The following CACNA1D variants were observed in gnomAD, a reference collection of about 807,000 sequenced individuals.
CACNA1D encodes voltage-dependent L-type calcium channel subunit alpha-1D.
A neutral mutation model predicts 257.1 loss-of-function variants in CACNA1D; 55 were observed. That is an observed-to-expected ratio of 0.21 (90% CI 0.17 to 0.27). The LOEUF is 0.27. CACNA1D is among the 10% of genes least tolerant of loss of function. The pLI is 1.00. For synonymous variants in CACNA1D, 980 were observed against 1,014.9 expected, an observed-to-expected ratio of 0.97 and a Z score of 0.65; for missense variants, 1,876 against 2,784.0, an observed-to-expected ratio of 0.67 and a Z score of 7.34.
rs141081709 is a variant in CACNA1D, at chr3:53,568,164, G to A, written c.483+66444G>A. Among the ~76,000 whole-genome samples the A allele has an allele frequency of 4.0e-3, 604 of 152,250 alleles. 8 individuals carry two copies. Among genetic ancestry groups the A allele is most frequent in the African/African-American group, 0.014 (572 of 41,544 alleles). On this transcript the variant is annotated intron_variant, in intron 3 of 47. Transcript: ENST00000350061. ...GTAGCATTGCATACTGTCTTGGTAAGACCTCAGACTTGCTTAGCTGCAGCT... is the reference window on the plus strand; with the variant it reads ...GTAGCATTGCATACTGTCTTGGTAAAACCTCAGACTTGCTTAGCTGCAGCT...
rs1428373343 is a variant in CACNA1D at position 53,501,211 on chromosome 3, A to G, written c.378-404A>G. On this transcript the variant is annotated intron_variant, in intron 2 of 47. Coordinates refer to ENST00000350061, the MANE Select transcript of CACNA1D (RefSeq NM_001128840.3). ...ATGGAGGCAAGGATCTGCGGAAGAC[A>G]TTTATCCCATGATGATTTCTCTGTG... Among the ~76,000 whole-genome samples the G allele has an allele frequency of 4.6e-5, 7 of 152,254 alleles. 1 individual carries two copies. Among genetic ancestry groups the G allele is most frequent in the Non-Finnish European group, 1.0e-4 (7 of 68,048 alleles).
intron 8 of CACNA1D, among the ~76,000 whole-genome samples, chr3:53,692,765 TC>T (rs2094539617): frequency 1.3e-5 from 2 of 152,222 alleles, no homozygotes; most frequent in Non-Finnish European, 2.9e-5. Context: ...AATGAAAGCA[TC>T]AACAACCCTG....
intron 14 of CACNA1D, 34 bp downstream of exon 14, chr3:53,724,033 C>A: frequency 1.3e-6 from 2 of 1,546,284 alleles, no homozygotes; most frequent in East Asian, 2.2e-5. Context: ...AAAAGCACTT[C>A]GTGAGCAGCA....
At chr3:53,753,458 G>A (rs896896382) in intron 28 of CACNA1D, 114 bp from the exon 29 acceptor site, 7 of 777,180 alleles carry the variant, frequency 9.0e-6, no homozygotes, top group Non-Finnish European at 1.6e-5. Context: ...CCCAGCGAGG[G>A]TGCTGGGCTG....
intron 22 of CACNA1D, 115 bp downstream of exon 22, chr3:53,743,232 G>A (rs2095134444): frequency 4.2e-6 from 3 of 716,598 alleles, no homozygotes; most frequent in East Asian, 2.5e-5. Context: ...TAGTTATATA[G>A]GTTTATTTAA....
intron 3 of CACNA1D, among the ~76,000 whole-genome samples, chr3:53,602,681 A>G (rs1490344904): frequency 6.6e-6 from 1 of 152,068 alleles, no homozygotes; most frequent in Non-Finnish European, 1.5e-5. Flanking sequence ...CATGGTTTTG[A>G]TTTGCATTTC....
Position 53,800,199 on chromosome 3 carries a change from C to A in CACNA1D, c.4924-50C>A. ...GAGCAAAGCCAGGACCCAGGCTGGC[C>A]CCAGGGCCCATGTGTGGTCTAACCT... On this transcript the variant is annotated intron_variant, in intron 40 of 47. Coordinates refer to ENST00000350061, the MANE Select transcript of CACNA1D (RefSeq NM_001128840.3). The surrounding 1 kb of genome is among the most constrained non-coding windows in gnomAD (Gnocchi z 4.3). 1 of 1,328,738 alleles carries A rather than the reference C, an allele frequency of 7.5e-7. No homozygotes were observed. Among genetic ancestry groups the A allele is most frequent in the Non-Finnish European group, 1.1e-6 (1 of 919,324 alleles). The allele number at this position is 1,328,738 out of a possible 1,614,324, so 82.3% of individuals were successfully genotyped here. A position where few individuals can be genotyped will look rare whatever the true frequency, so the allele number is the denominator to read the frequency against.
intron 3 of CACNA1D, among the ~76,000 whole-genome samples, chr3:53,515,406 C>T (rs1207756934): frequency 6.6e-6 from 1 of 152,226 alleles, no homozygotes; most frequent in East Asian, 1.9e-4. Flanking sequence ...CAATCACTAA[C>T]ACCTGCGTGG....
In CACNA1D at chr3:53,769,955, A is replaced by G. The variant is rs2095357303; in HGVS notation, c.3871-18A>G. 5.0e-6 allele frequency: 8 copies of G among 1,600,160 alleles called. No individual in the cohort carries two copies. Among genetic ancestry groups the G allele is most frequent in the Non-Finnish European group, 6.9e-6 (8 of 1,167,308 alleles). ...TTCCTGGTTCATTAATCCATTTTCA[A>G]TCTTTGATTTCTTAAAGCCAACTGA... On this transcript the variant is annotated intron_variant, in intron 30 of 47. Transcript: ENST00000350061.
At chr3:53,726,372 T>C (rs765336496) in intron 14 of CACNA1D, among the ~76,000 whole-genome samples, 5 of 152,196 alleles carry the variant, frequency 3.3e-5, no homozygotes, top group African/African-American at 4.8e-5. Context: ...GTGAGGTGGC[T>C]CATGCCTGTA....
Position 53,691,899 on chromosome 3 carries a change from AC to A in CACNA1D, c.1221-10741del, listed in dbSNP as rs1204246808. Reference sequence around the variant, plus strand: ...ACATATAATATATATTATATATATTACATATATTATATATAATATATATTAT... The same window carrying A: ...ACATATAATATATATTATATATATTAATATATTATATATAATATATATTAT... On this transcript the variant is annotated intron_variant, in intron 8 of 47. Transcript: ENST00000350061. 1.4e-4 allele frequency among the ~76,000 whole-genome samples: 8 copies of A among 57,076 alleles called. No individual in the cohort carries two copies. The South Asian group carries it at 3.4e-3, about 25-fold the overall frequency. 37.4% of individuals were successfully genotyped at this position (57,076 alleles called of 152,430 possible). A position where few individuals can be genotyped will look rare whatever the true frequency, so the allele number is the denominator to read the frequency against.
At chr3:53,592,579 A>T (rs900985858) in intron 3 of CACNA1D, among the ~76,000 whole-genome samples, 5 of 152,122 alleles carry the variant, frequency 3.3e-5, no homozygotes, top group Non-Finnish European at 7.4e-5. Context: ...CATTCATAGG[A>T]GGAGGGAAGT....
rs944974758 is a variant in CACNA1D, at chr3:53,749,189, G to A, written c.3315-79G>A. 1.0e-5 allele frequency: 10 copies of A among 976,774 alleles called. No homozygotes were observed. The Middle Eastern group carries it at 6.2e-4, about 60-fold the overall frequency. The allele number at this position is 976,774 out of a possible 1,614,324, so 60.5% of individuals were successfully genotyped here. On this transcript the variant is annotated intron_variant, in intron 26 of 47. Transcript: ENST00000350061. The stretch of plus-strand genomic sequence containing the variant: ...GCTCATGAGAGGAGTTCTGGAGAGG[G>A]AGGACCTGGGAAGGCAGCGGGCTGG...
At chr3:53,639,322 G>C (rs1327948324) in intron 3 of CACNA1D, among the ~76,000 whole-genome samples, 2 of 151,710 alleles carry the variant, frequency 1.3e-5, no homozygotes, top group Admixed American at 6.6e-5. Flanking sequence ...TAACTGTCCA[G>C]GCATGCAAGT....
intron 3 of CACNA1D, among the ~76,000 whole-genome samples, chr3:53,598,042 G>C (rs1294769934): frequency 6.6e-6 from 1 of 152,150 alleles, no homozygotes; most frequent in Non-Finnish European, 1.5e-5. Flanking sequence ...TTCTAGGACA[G>C]TATGAAGGCT....
At chr3:53,568,336 C>G (rs545089511) in intron 3 of CACNA1D, among the ~76,000 whole-genome samples, 1 of 152,200 alleles carries the variant, frequency 6.6e-6, no homozygotes, top group Non-Finnish European at 1.5e-5. Flanking sequence ...CAGGACCATT[C>G]TTTCTCATTT....
chr3:53,690,148 C>T (rs1209310261), intron 8 of CACNA1D, among the ~76,000 whole-genome samples: 1 of 152,126 alleles, frequency 6.6e-6, no homozygotes, highest in Non-Finnish European at 1.5e-5. Context: ...AAATCTAGAT[C>T]TGTCTGTCTC....
In CACNA1D at chr3:53,680,241, G is replaced by A. The variant is rs75396625; in HGVS notation, c.1220+7115G>A. ...TGATCCTTGTTTCCATCAAGCTGAC[G>A]TCTGTTTCCCTGGCAACAGCAGTGG... On this transcript the variant is annotated intron_variant, in intron 8 of 47. Coordinates refer to ENST00000350061, the MANE Select transcript of CACNA1D (RefSeq NM_001128840.3). Among the ~76,000 whole-genome samples the A allele has an allele frequency of 4.2e-3, 637 of 152,280 alleles. 24 individuals are homozygous for A. The East Asian group carries it at 0.084, about 20-fold the overall frequency.
chr3:53,761,940 C>A, intron 29 of CACNA1D, 58 bp from the exon 30 acceptor site: 2 of 1,217,468 alleles, frequency 1.6e-6, no homozygotes, highest in Non-Finnish European at 1.2e-6. Flanking sequence ...CTATACGGTC[C>A]GTGTGGTGGG....
Sources: gnomAD v4.1 joint callset for allele counts (sites outside exome capture counted in the v4.1 genomes callset) on GRCh38, gnomAD v4.1.1 for gene constraint, Gnocchi (gnomAD v3.1) non-coding constraint, MANE v1.5 for transcripts, NCBI Gene and HGNC (gene_info 2026-07-23, HGNC 2026-07-21) for gene names.